WWP1: variants seen among roughly 807,000 people sequenced by gnomAD.
WWP1 encodes the protein WW domain containing E3 ubiquitin protein ligase 1, also known as NEDD4-like E3 ubiquitin-protein ligase WWP1.
In WWP1, 49 loss-of-function variants were observed where a neutral mutation model predicts 130.6. The ratio of observed to expected loss-of-function variants is 0.38; its 90% confidence interval spans 0.30 to 0.48. The LOEUF (loss-of-function observed/expected upper bound fraction) is 0.48. WWP1 is among the 20% of genes least tolerant of loss of function. The pLI is 0.99. For missense variants in WWP1, 809 were observed against 1,100.6 expected (o/e 0.74, Z 3.75); for synonymous variants, 332 against 367.8 (o/e 0.90, Z 1.11).
At chr8:86,348,710 A>C (rs1245007459) in intron 1 of WWP1, among the ~76,000 whole-genome samples, 1 of 152,160 alleles carries the variant, frequency 6.6e-6, no homozygotes, top group African/African-American at 2.4e-5. Flanking sequence ...TCAGGTTGTA[A>C]TTTTGCGGAG....
chr8:86,349,533 T>C (rs1481597545), intron 1 of WWP1, among the ~76,000 whole-genome samples: 1 of 152,206 alleles, frequency 6.6e-6, no homozygotes, highest in Admixed American at 6.5e-5. Context: ...GAAAACTGTT[T>C]TGGAAGCTGA....
At chr8:86,368,724 C>T (rs1486185508) in intron 1 of WWP1, among the ~76,000 whole-genome samples, 1 of 152,108 alleles carries the variant, frequency 6.6e-6, no homozygotes, top group East Asian at 1.9e-4. Flanking sequence ...ACTATGCAAG[C>T]AGTTCTCTGG....
chr8:86,466,313 CAT>C (rs1308897939), intron 24 of WWP1, among the ~76,000 whole-genome samples: 1 of 151,996 alleles, frequency 6.6e-6, no homozygotes, highest in African/African-American at 2.4e-5. Context: ...GACAAAGAAA[CAT>C]ATATATTTGT....
chr8:86,427,718 G>A lies in WWP1; in HGVS notation c.1233G>A (p.Arg411=), dbSNP rs1809711645. The A allele has an allele frequency of 6.2e-7, 1 of 1,613,996 alleles. No individual in the cohort carries two copies. The highest frequency in any genetic ancestry group is 8.5e-7 in the Non-Finnish European group (1 of 1,179,952). Residue 411 remains arginine, a synonymous_variant, in exon 11 of 25, where the codon CGG becomes CGA. Transcript: ENST00000517970. ...ACACCAGAACAACAACGTGGCAGCG[G>A]CCTACCATGGAATCTGTCCGAAATT... ...DHNTRTTTWQ[R]PTMESVRNFE...
intron 3 of WWP1, among the ~76,000 whole-genome samples, chr8:86,374,365 G>A (rs2130316413): frequency 6.6e-6 from 1 of 152,292 alleles, no homozygotes; most frequent in Middle Eastern, 3.4e-3. Flanking sequence ...TTGGGCTTTT[G>A]AATAAGTATC....
intron 5 of WWP1, among the ~76,000 whole-genome samples, chr8:86,390,226 G>C (rs2130430000): frequency 6.6e-6 from 1 of 151,556 alleles, no homozygotes; most frequent in African/African-American, 2.4e-5. Context: ...CGGCCGGGCA[G>C]AGGGGCTCCT....
Position 86,362,059 on chromosome 8 carries a change from CACACATATATAT to C in WWP1, c.-114-6868_-114-6857del, listed in dbSNP as rs1279705818. 2.0e-4 allele frequency among the ~76,000 whole-genome samples: 15 copies of C among 74,428 alleles called. No homozygotes were observed. In the South Asian group the frequency reaches 3.2e-3, roughly 16 times the overall value. 48.8% of individuals were successfully genotyped at this position (74,428 alleles called of 152,430 possible). On this transcript the variant is annotated intron_variant, in intron 1 of 24. Transcript: ENST00000517970. ...ACACATATATATACACACATATATACACACATATATATACACATATATACACACATATATATA... is the reference window on the plus strand; with the variant it reads ...ACACATATATATACACACATATATACACACATATATACACACATATATATA...
chr8:86,438,174 T>C lies in WWP1; in HGVS notation c.1750-411T>C, dbSNP rs192930878. On this transcript the variant is annotated intron_variant, in intron 16 of 24. Transcript: ENST00000517970. ...TTAGAAAATCATAAGGAAGATAAAA[T>C]ACATATACTGTTCATTAAGTAAAAG... 3.3e-5 allele frequency among the ~76,000 whole-genome samples: 5 copies of C among 152,262 alleles called. No individual in the cohort carries two copies. The East Asian group carries it at 7.7e-4, about 24-fold the overall frequency.
At chr8:86,407,131 T>C (rs1808324880) in intron 8 of WWP1, among the ~76,000 whole-genome samples, 1 of 152,194 alleles carries the variant, frequency 6.6e-6, no homozygotes, top group South Asian at 2.1e-4. Context: ...CTTGTGGAGA[T>C]GAGATGGTTT....
intron 24 of WWP1, 51 bp from the exon 25 acceptor site, chr8:86,466,743 A>AT (rs751327320): frequency 7.9e-6 from 10 of 1,260,782 alleles, no homozygotes; most frequent in African/African-American, 7.6e-5. Context: ...ATTCTATTAG[A>AT]TTTTTTTCAT....
chr8:86,404,408 G>A (rs1420736724), intron 8 of WWP1, among the ~76,000 whole-genome samples: 2 of 152,280 alleles, frequency 1.3e-5, no homozygotes, highest in Middle Eastern at 3.4e-3. Flanking sequence ...AAAAGGAGAC[G>A]AAATTGAGGC....
At chr8:86,398,667 C>T (rs771513324) in intron 7 of WWP1, 29 bp downstream of exon 7, 39 of 1,602,724 alleles carry the variant, frequency 2.4e-5, no homozygotes, top group Middle Eastern at 2.2e-4. Flanking sequence ...ATATGGGTGG[C>T]GACATGATGT....
intron 20 of WWP1, 29 bp from the exon 21 acceptor site, chr8:86,452,530 C>T (rs10110096): frequency 0.29 from 446,306 of 1,563,656 alleles, 69,318 homozygotes; most frequent in African/African-American, 0.55. Context: ...TATAAATTAC[C>T]TATTTTTAAA....
chr8:86,427,359 GCACGTTCTA>G (rs1485483383), intron 10 of WWP1, among the ~76,000 whole-genome samples: 1 of 151,072 alleles, frequency 6.6e-6, no homozygotes, highest in Non-Finnish European at 1.5e-5. Flanking sequence ...TAACAAACCT[GCACGTTCTA>G]CACATGTATC....
chr8:86,428,856 G>T (rs1175847689), intron 11 of WWP1, among the ~76,000 whole-genome samples: 1 of 152,132 alleles, frequency 6.6e-6, no homozygotes, highest in Non-Finnish European at 1.5e-5. Context: ...ATATAGCTTT[G>T]TTTTTGGTTG....
chr8:86,364,491 A>G (rs534260255), intron 1 of WWP1, among the ~76,000 whole-genome samples: 1 of 152,204 alleles, frequency 6.6e-6, no homozygotes, highest in Admixed American at 6.5e-5. Flanking sequence ...AATGTACTGT[A>G]AAGCAGAAGA....
Position 86,458,000 on chromosome 8 carries a change from G to A in WWP1, c.2474G>A (p.Ser825Asn). ...GTTTATCGACATTATACAAGAAACA[G>A]CAAGCAAATCATTTGGTTTTGGCAG... ...NTVYRHYTRN[S>N]KQIIWFWQFV... is the part of the protein sequence containing the mutation. Residue 825 changes from serine (S) to asparagine (N), a missense_variant, in exon 22 of 25, where the codon AGC becomes AAC. Physicochemically the swap from Ser to Asn is conservative, Grantham distance 46. Transcript: ENST00000517970. 6.2e-7 allele frequency: 1 copy of A among 1,611,740 alleles called. No homozygotes were observed. The highest frequency in any genetic ancestry group is 8.5e-7 in the Non-Finnish European group (1 of 1,178,286).
intron 5 of WWP1, among the ~76,000 whole-genome samples, chr8:86,386,079 T>G (rs1278161190): frequency 6.6e-6 from 1 of 152,214 alleles, no homozygotes; most frequent in Non-Finnish European, 1.5e-5. Context: ...TCTAATTTCC[T>G]GCTTACATCT....
At chr8:86,458,536 A>C (rs771842957) in intron 22 of WWP1, among the ~76,000 whole-genome samples, 2 of 152,214 alleles carry the variant, frequency 1.3e-5, no homozygotes, top group Non-Finnish European at 2.9e-5. Context: ...AGTGTACCAC[A>C]CTAATCTTGA....
Sources: gnomAD v4.1 joint callset for allele counts (sites outside exome capture counted in the v4.1 genomes callset) on GRCh38, gnomAD v4.1.1 for gene constraint, MANE v1.5 for transcripts, NCBI Gene and HGNC (gene_info 2026-07-23, HGNC 2026-07-21) for gene names.